ALDH1L2: variants seen among roughly 807,000 people sequenced by gnomAD.
The protein encoded by ALDH1L2 is mitochondrial 10-formyltetrahydrofolate dehydrogenase.
A neutral mutation model predicts 111.0 loss-of-function variants in ALDH1L2; 91 were observed. That is an observed-to-expected ratio of 0.82 (90% CI 0.69 to 0.98). ALDH1L2 has a LOEUF of 0.98. Ranked by LOEUF, ALDH1L2 falls within the 50% of genes least tolerant of loss-of-function variation. The pLI, the probability that ALDH1L2 is intolerant of heterozygous loss-of-function variation, is 0.00. For missense variants in ALDH1L2, 995 were observed against 1,126.8 expected (o/e 0.88, Z 1.67); for synonymous variants, 374 against 392.6 (o/e 0.95, Z 0.56).
intron 20 of ALDH1L2, among the ~76,000 whole-genome samples, chr12:105,031,544 G>C (rs577245076): frequency 6.6e-6 from 1 of 152,264 alleles, no homozygotes; most frequent in Admixed American, 6.5e-5. Context: ...GCAGTGGCTT[G>C]ATCTCAGCTC....
In ALDH1L2 at chr12:105,052,875, A is replaced by G. The variant is rs773865923; in HGVS notation, c.1344T>C (p.Asn448=). ...CATCGTCTGCATCTGTGAACTGTCC[A>G]TTTATGAAACACTGGTATGGCATTT... The part of the protein sequence containing the change: ...MVKMPYQCFI[N]GQFTDADDGK... The change falls in exon 11 of 23, where the codon AAT becomes AAC. Residue 448 remains asparagine, a synonymous_variant. Transcript: ENST00000258494. The G allele has an allele frequency of 8.7e-6, 14 of 1,614,012 alleles. No individual in the cohort carries two copies. The highest frequency in any genetic ancestry group is 1.1e-5 in the South Asian group (1 of 91,090).
At chr12:105,052,765 A>G (rs777743089) in intron 11 of ALDH1L2, 47 bp downstream of exon 11, 1 of 1,609,334 alleles carries the variant, frequency 6.2e-7, no homozygotes, top group South Asian at 1.1e-5. Flanking sequence ...TGTATTAACT[A>G]AAAATCCATG....
Position 105,058,219 on chromosome 12 carries a change from G to C in ALDH1L2, c.1141C>G (p.Leu381Val), listed in dbSNP as rs200673870. ...CATTTCTGTCTGATCTCTTCAACCA[G>C]CCTTAAAGTAAAAACCAGCTTCGCG... ...SGASSMDVAR[L>V]VEEIRQKCGG... The change falls in exon 10 of 23, where the codon CTG (leucine) becomes GTG (valine). Residue 381 changes from leucine to valine, a missense_variant and splice_region_variant. Leu to Val is a conservative substitution (Grantham distance 32). Coordinates refer to ENST00000258494, the MANE Select transcript of ALDH1L2 (RefSeq NM_001034173.4). The C allele has an allele frequency of 1.9e-6, 3 of 1,596,050 alleles. No individual in the cohort carries two copies. The East Asian group carries it at 6.7e-5, about 36-fold the overall frequency.
At chr12:105,050,788 A>G (rs771649286) in intron 12 of ALDH1L2, 12 of 382,992 alleles carry the variant, frequency 3.1e-5, no homozygotes, top group Non-Finnish European at 5.7e-5. Context: ...TGCCCTTTAT[A>G]AAACCATCAA....
At position 105,073,898 on chromosome 12, in the gene ALDH1L2, G is replaced by A. The variant is rs1015589466; in HGVS notation, c.156C>T (p.Phe52=). Residue 52 remains phenylalanine (F), a synonymous_variant, in exon 2 of 23, where the codon TTC becomes TTT. Transcript: ENST00000258494. ...CTTTTCCATCCTTGTCTGGAACTGT[G>A]AACACCCCTACTACTCGGTGGCCCT... The part of the protein sequence containing the change: ...RKEGHRVVGV[F]TVPDKDGKAD... The A allele has an allele frequency of 1.2e-6, 2 of 1,614,124 alleles. No homozygotes were observed. The highest frequency in any genetic ancestry group is 1.3e-5 in the African/African-American group (1 of 75,014).
chr12:105,027,396 T>C (rs928711115), intron 21 of ALDH1L2, among the ~76,000 whole-genome samples: 7 of 152,198 alleles, frequency 4.6e-5, no homozygotes, highest in South Asian at 2.1e-4. Context: ...GTGTCCTCCC[T>C]ATTTCCTTCC....
chr12:105,029,676 G>A (rs1342374955), intron 21 of ALDH1L2, among the ~76,000 whole-genome samples: 1 of 152,036 alleles, frequency 6.6e-6, no homozygotes, highest in East Asian at 1.9e-4. Flanking sequence ...GACCGAGAAA[G>A]TCTATTCTTT....
At chr12:105,055,523 A>T in intron 10 of ALDH1L2, among the ~76,000 whole-genome samples, 1 of 152,174 alleles carries the variant, frequency 6.6e-6, no homozygotes, top group East Asian at 1.9e-4. Flanking sequence ...AGATTACAAG[A>T]CGTGCAGAGA....
At chr12:105,068,937 G>A (rs1877531637) in intron 3 of ALDH1L2, 53 bp from the exon 4 acceptor site, 4 of 1,359,124 alleles carry the variant, frequency 2.9e-6, no homozygotes, top group Non-Finnish European at 3.9e-6. Context: ...ATCATAAAGT[G>A]ATGAATTAGT....
intron 1 of ALDH1L2, among the ~76,000 whole-genome samples, chr12:105,077,677 C>T (rs930930137): frequency 4.0e-5 from 6 of 151,350 alleles, no homozygotes; most frequent in African/African-American, 1.5e-4. Flanking sequence ...CCAGGCTGTC[C>T]ACCCTCTGGT....
rs139730950 is a variant in ALDH1L2, at chr12:105,079,262, A to G, written c.48+5127T>C. Among the ~76,000 whole-genome samples the G allele has an allele frequency of 7.7e-4, 117 of 152,332 alleles. 2 individuals carry two copies. Among genetic ancestry groups the G allele is most frequent in the Admixed American group, 6.1e-3 (94 of 15,298 alleles). ...CCAATTGTAACAAACTCTCATACTA[A>G]CAGAAGCAACAAGTACACTTTACAT... On this transcript the variant is annotated intron_variant, in intron 1 of 22. Coordinates refer to ENST00000258494, the MANE Select transcript of ALDH1L2 (RefSeq NM_001034173.4).
At chr12:105,038,260 TCACACACACACACACACAAACACACACA>T (rs1875289219) in intron 17 of ALDH1L2, 58 bp from the exon 18 acceptor site, 5 of 584,176 alleles carry the variant, frequency 8.6e-6, no homozygotes, top group Admixed American at 2.6e-5. Flanking sequence ...TCTCTCTCTC[TCACACACACACACACACAAACACACACA>T]CACACACACA....
At chr12:105,031,698 C>A in intron 20 of ALDH1L2, 71 bp downstream of exon 20, 1 of 1,555,318 alleles carries the variant, frequency 6.4e-7, no homozygotes, top group South Asian at 1.2e-5. Flanking sequence ...CCAGGCTGGT[C>A]TTAAACTGTC....
At chr12:105,066,447 C>T in intron 5 of ALDH1L2, 121 bp downstream of exon 5, 2 of 824,164 alleles carry the variant, frequency 2.4e-6, no homozygotes, top group South Asian at 3.3e-5. Context: ...CCTGTCTACT[C>T]TAACAGGTAG....
Position 105,026,671 on chromosome 12 carries a change from T to C in ALDH1L2, c.2590A>G (p.Ile864Val), listed in dbSNP as rs1347182940. 1 of 1,614,126 alleles carries C rather than the reference T, an allele frequency of 6.2e-7. No individual in the cohort carries two copies. The highest frequency in any genetic ancestry group is 1.3e-5 in the African/African-American group (1 of 74,944). The change falls in exon 22 of 23, where the codon ATA (isoleucine) becomes GTA (valine). Residue 864 changes from isoleucine to valine, a missense_variant. By Grantham distance (29) the Ile-to-Val change is conservative. Transcript: ENST00000258494. ...TCACTCACATACATAGCTTTGTTTA[T>C]GTCTCTTGTAAAAACCCCTGAGGCC... ...GLASGVFTRD[I>V]NKAMYVSEKL...
chr12:105,079,336 C>T (rs6539188), intron 1 of ALDH1L2, among the ~76,000 whole-genome samples: 129,444 of 152,270 alleles, frequency 0.85, 55,178 homozygotes, highest in South Asian at 0.94. Context: ...GGCAAGCTTG[C>T]GCAACTTGAT....
Position 105,058,118 on chromosome 12 carries a change from C to T in ALDH1L2, c.1242G>A (p.Arg414=). Residue 414 remains arginine, a synonymous_variant, in exon 10 of 23, where the codon AGG becomes AGA. Coordinates refer to ENST00000258494, the MANE Select transcript of ALDH1L2 (RefSeq NM_001034173.4). ...CCTCTTGATCTTCTCCTCTCAGTTT[C>T]CTCACGACCTTTTGGATAAAGCCTT... ...KFEGFIQKVV[R]KLRGEDQEVE... 1 of 1,613,454 alleles carries T rather than the reference C, an allele frequency of 6.2e-7. No individual in the cohort carries two copies. The highest frequency in any genetic ancestry group is 8.5e-7 in the Non-Finnish European group (1 of 1,179,810).
chr12:105,075,833 T>A (rs1459977634), intron 1 of ALDH1L2, among the ~76,000 whole-genome samples: 2 of 152,218 alleles, frequency 1.3e-5, no homozygotes, highest in Non-Finnish European at 2.9e-5. Context: ...TCACCCAGGC[T>A]GGAGTGAAGT....
intron 1 of ALDH1L2, among the ~76,000 whole-genome samples, chr12:105,080,991 CATT>C (rs1878310939): frequency 6.6e-6 from 1 of 152,120 alleles, no homozygotes; most frequent in Non-Finnish European, 1.5e-5. Context: ...TTTTTCTTGT[CATT>C]ATTCCATAAA....
Sources: allele counts gnomAD v4.1 joint callset (sites outside exome capture counted in the v4.1 genomes callset), GRCh38; gene constraint gnomAD v4.1.1; transcripts MANE v1.5; gene names NCBI Gene and HGNC (gene_info 2026-07-23, HGNC 2026-07-21).